LINGO3: variants seen among roughly 807,000 people sequenced by gnomAD.
LINGO3 encodes leucine rich repeat and Ig domain containing 3.
For synonymous variants in LINGO3, 427 were observed against 444.2 expected, an observed-to-expected ratio of 0.96 and a Z score of 0.49; for missense variants, 750 against 867.7, an observed-to-expected ratio of 0.86 and a Z score of 1.70.
exon 1 of LINGO3, chr19:2,291,485 A>G: frequency 6.2e-7 from 1 of 1,612,300 alleles, no homozygotes; most frequent in Non-Finnish European, 8.5e-7. Context: ...AGGTTGGCGA[A>G]GGCGCCGGGC....
At chr19:2,294,960 C>T (rs1243743192), upstream of LINGO3, among the ~76,000 whole-genome samples, 1 of 152,080 alleles carries the variant, frequency 6.6e-6, no homozygotes, top group African/African-American at 2.4e-5. This position sits in a 1 kb window ranked among gnomAD's most constrained non-coding sequence, Gnocchi z 4.3. Flanking sequence ...CCCCCCAGGC[C>T]CCGTGGCCCA....
upstream of LINGO3, among the ~76,000 whole-genome samples, chr19:2,296,919 T>C (rs900004044): frequency 2.0e-5 from 3 of 151,404 alleles, no homozygotes; most frequent in African/African-American, 7.3e-5. Flanking sequence ...AAACCCCGTC[T>C]CTACTAAAAA....
chr19:2,303,640 A>C, the LINGO3 span, among the ~76,000 whole-genome samples: 1 of 152,326 alleles, frequency 6.6e-6, no homozygotes, highest in Admixed American at 6.5e-5. Context: ...TCTGGGTTGC[A>C]GTTGGAAGGC....
chr19:2,291,432 C>A, exon 1 of LINGO3: 1 of 1,613,310 alleles, frequency 6.2e-7, no homozygotes. Flanking sequence ...GCGGGATGAG[C>A]TTCAGCTGGT....
Position 2,290,068 on chromosome 19 carries a change from C to A in LINGO3, c.1709G>T (p.Arg570Leu). ...CGCGGCGGCCGGCCCATCCACCTTG[C>A]GGAAGGAGTACTCCACCGAGAAGTT... The change falls in exon 1 of 1, where the codon CGC (arginine) becomes CTC (leucine). Residue 570 changes from arginine (R) to leucine (L), a missense_variant. Physicochemically the swap from Arg to Leu is moderately radical, Grantham distance 102 (BLOSUM62 -2). Coordinates refer to ENST00000585527, the Ensembl canonical transcript of LINGO3. The surrounding 1 kb of genome is among the most constrained non-coding windows in gnomAD (Gnocchi z 6.0). The A allele has an allele frequency of 6.4e-7, 1 of 1,565,596 alleles. No homozygotes were observed. Among genetic ancestry groups the A allele is most frequent in the Non-Finnish European group, 8.6e-7 (1 of 1,156,354 alleles).
upstream of LINGO3, among the ~76,000 whole-genome samples, chr19:2,294,286 C>A (rs1203621179): frequency 6.6e-6 from 1 of 152,114 alleles, no homozygotes; most frequent in Non-Finnish European, 1.5e-5. The surrounding 1 kb of genome is among the most constrained non-coding windows in gnomAD (Gnocchi z 4.3). Flanking sequence ...TAGGGTGACA[C>A]AGCCACAAGC....
At chr19:2,300,322 GC>G in the LINGO3 span, among the ~76,000 whole-genome samples, 3 of 152,052 alleles carry the variant, frequency 2.0e-5, no homozygotes, top group Admixed American at 6.6e-5. Context: ...ATGAGCCACT[GC>G]GCCCGGCCCC....
chr19:2,291,714 C>CG lies in LINGO3; in HGVS notation c.62dup (p.Ala22GlyfsTer209). On this transcript the variant is annotated frameshift_variant, in exon 1 of 1. Transcript: ENST00000585527. LOFTEE classifies it low-confidence loss of function (END_TRUNC). ...CGCAGCGGGCCGGGCAGCCTCCAGC[C>CG]GGGGGCGGCGCCGCGGGCAGCAGGA... The CG allele has an allele frequency of 7.5e-7, 1 of 1,341,680 alleles. No homozygotes were observed. The highest frequency in any genetic ancestry group is 1.6e-5 in the African/African-American group (1 of 63,838). 83.1% of individuals were successfully genotyped at this position (1,341,680 alleles called of 1,614,324 possible). A position where few individuals can be genotyped will look rare whatever the true frequency, so the allele number is the denominator to read the frequency against.
the LINGO3 span, among the ~76,000 whole-genome samples, chr19:2,306,194 A>C: frequency 6.6e-6 from 1 of 152,168 alleles, no homozygotes; most frequent in Non-Finnish European, 1.5e-5. Context: ...AGAGAAGGAG[A>C]CTGAGGGTCA....
rs776080050 is a variant in LINGO3, at chr19:2,290,652, C to T, written c.1125G>A (p.Arg375=). 61 of 1,602,868 alleles carry T rather than the reference C, an allele frequency of 3.8e-5. No individual in the cohort carries two copies. The highest frequency in any genetic ancestry group is 4.1e-5 in the Non-Finnish European group (48 of 1,176,892). The change falls in exon 1 of 1, where the codon CGG becomes CGA. Residue 375 remains arginine (R), a synonymous_variant. Coordinates refer to ENST00000585527, the Ensembl canonical transcript of LINGO3. The surrounding 1 kb of genome is among the most constrained non-coding windows in gnomAD (Gnocchi z 6.0). Reference sequence around the variant, plus strand: ...CGGCCGGGGTGGCGCAGGCCGGCAGCCGCCCGTCGAAGTTGAGGGTCTTGC... The same window carrying T: ...CGGCCGGGGTGGCGCAGGCCGGCAGTCGCCCGTCGAAGTTGAGGGTCTTGC...
exon 1 of LINGO3, chr19:2,291,149 T>C (rs749804003): frequency 1.2e-6 from 2 of 1,606,860 alleles, no homozygotes; most frequent in Admixed American, 1.7e-5. Flanking sequence ...AGGGAGGCGA[T>C]GGCCAGGTGG....
the LINGO3 span, among the ~76,000 whole-genome samples, chr19:2,299,222 G>A: frequency 2.0e-5 from 3 of 152,090 alleles, no homozygotes; most frequent in African/African-American, 4.8e-5. Flanking sequence ...GGGTGCTGCC[G>A]GGGAGGCAGG....
downstream of LINGO3, among the ~76,000 whole-genome samples, chr19:2,289,155 G>C (rs1404100399): frequency 6.6e-6 from 1 of 151,076 alleles, no homozygotes; most frequent in African/African-American, 2.4e-5. Flanking sequence ...TATGAGCTGT[G>C]TGTCCCGGGT....
chr19:2,296,835 T>A (rs1310562760), upstream of LINGO3, among the ~76,000 whole-genome samples: 1 of 148,410 alleles, frequency 6.7e-6, no homozygotes, highest in Non-Finnish European at 1.5e-5. Flanking sequence ...ACACCTGTAA[T>A]CCCAGCACTT....
At chr19:2,292,826 C>G (rs1191924283), upstream of LINGO3, among the ~76,000 whole-genome samples, 1 of 152,056 alleles carries the variant, frequency 6.6e-6, no homozygotes, top group African/African-American at 2.4e-5. Context: ...ATGGAACACA[C>G]AGCGCACGGA....
upstream of LINGO3, chr19:2,292,053 T>C (rs572557085): frequency 6.9e-6 from 3 of 434,952 alleles, no homozygotes; most frequent in South Asian, 5.6e-5. Flanking sequence ...CCGCATGTGG[T>C]GGTGTAGGCC....
downstream of LINGO3, among the ~76,000 whole-genome samples, chr19:2,289,237 G>A (rs1051140100): frequency 5.3e-5 from 8 of 149,648 alleles, no homozygotes; most frequent in African/African-American, 2.0e-4. Flanking sequence ...TAAGCTGTGT[G>A]TCCCGGGTGT....
chr19:2,288,606 T>C (rs1029055457), downstream of LINGO3, among the ~76,000 whole-genome samples: 2 of 152,156 alleles, frequency 1.3e-5, no homozygotes, highest in African/African-American at 4.8e-5. The surrounding 1 kb of genome is among the most constrained non-coding windows in gnomAD (Gnocchi z 6.5). Context: ...GGGAAGCACG[T>C]GGCAGCGGAG....
chr19:2,291,090 A>C (rs1568411915), exon 1 of LINGO3: 1 of 1,609,728 alleles, frequency 6.2e-7, no homozygotes, highest in Non-Finnish European at 8.5e-7. Context: ...GCCAGTTGTC[A>C]ATCTCCAGGT....
Sources: gnomAD v4.1 joint callset for allele counts (sites outside exome capture counted in the v4.1 genomes callset) on GRCh38, gnomAD v4.1.1 for gene constraint, Gnocchi (gnomAD v3.1) non-coding constraint, MANE v1.5 for transcripts, NCBI Gene and HGNC (gene_info 2026-07-23, HGNC 2026-07-21) for gene names.